Variants in COQ9 observed in about 807,000 individuals in gnomAD.
COQ9 encodes coenzyme Q9, also known as ubiquinone biosynthesis protein COQ9, mitochondrial.
A neutral mutation model predicts 42.4 loss-of-function variants in COQ9; 35 were observed. The ratio of observed to expected loss-of-function variants is 0.83; its 90% CI spans 0.63 to 1.10. COQ9 has a LOEUF of 1.10. Ranked by LOEUF, COQ9 falls within the 50% of genes least tolerant of loss-of-function variation. The pLI is 0.00. For missense variants in COQ9, 406 were observed against 414.6 expected (o/e 0.98, Z 0.18); for synonymous variants, 155 against 155.1 (o/e 1.00, Z 0.00).
rs1425755320 is a variant in COQ9, at chr16:57,457,094, T to C, written c.606+79T>C. On this transcript the variant is annotated intron_variant, in intron 5 of 8. Coordinates refer to ENST00000262507, the MANE Select transcript of COQ9 (RefSeq NM_020312.4). ...TCTCAGCACCTTTCACTCAGATGACTTTGTACACTGTTCAGAACTTAGCTT... is the reference window on the plus strand; with the variant it reads ...TCTCAGCACCTTTCACTCAGATGACCTTGTACACTGTTCAGAACTTAGCTT... The C allele has an allele frequency of 3.7e-6, 4 of 1,080,812 alleles. No individual in the cohort carries two copies. The Admixed American group carries it at 7.2e-5, about 19-fold the overall frequency. The allele number at this position is 1,080,812 out of a possible 1,614,324, so 67.0% of individuals were successfully genotyped here. A position where few individuals can be genotyped will look rare whatever the true frequency, so the allele number is the denominator to read the frequency against.
rs777881029 is a variant in COQ9 at position 57,452,940 on chromosome 16, T to G, written c.378+4T>G. 2 of 1,613,220 alleles carry G rather than the reference T, an allele frequency of 1.2e-6. No individual in the cohort carries two copies. The highest frequency in any genetic ancestry group is 1.7e-6 in the Non-Finnish European group (2 of 1,179,904). ...GGCGATTGCAGAAGGAGCCCAGGTG[T>G]GTATAGGTGAGGGTGGGGCCACCTA... On this transcript the variant is annotated splice_donor_region_variant and intron_variant, in intron 3 of 8. Transcript: ENST00000262507.
In COQ9 at chr16:57,451,215, A is replaced by T; in HGVS notation, c.242+7A>T. On this transcript the variant is annotated splice_region_variant and intron_variant, in intron 2 of 8. Transcript: ENST00000262507. The stretch of plus-strand genomic sequence containing the variant: ...CTTCTCATTCACCCCCCAGGTAGGC[A>T]CCAATCCACCTATTTCTGGCCACTT... 1 of 1,614,122 alleles carries T rather than the reference A, an allele frequency of 6.2e-7. No individual in the cohort carries two copies. The highest frequency in any genetic ancestry group is 8.5e-7 in the Non-Finnish European group (1 of 1,179,982).
chr16:57,456,293 G>T, intron 3 of COQ9: 1 of 587,994 alleles, frequency 1.7e-6, no homozygotes, highest in African/African-American at 1.9e-5. Flanking sequence ...CTGTGAACTT[G>T]TTATTCAAGC....
At position 57,456,898 on chromosome 16, in the gene COQ9, C is replaced by T. The variant is rs370065382; in HGVS notation, c.522-33C>T. 4.2e-5 allele frequency: 66 copies of T among 1,585,038 alleles called. No homozygotes were observed. The African/African-American group carries it at 8.6e-4, about 21-fold the overall frequency. On this transcript the variant is annotated intron_variant, in intron 4 of 8. Coordinates refer to ENST00000262507, the MANE Select transcript of COQ9 (RefSeq NM_020312.4). ...GAGCACTGAGCCCCTGCCTTTCACT[C>T]AGAGACACACTGTTTTCTTTTCCCT...
Position 57,460,049 on chromosome 16 carries a change from AGG to A in COQ9, c.868-1_868del. ...AGGGAACCTGACACTGACTCCTTCT[AGG>A]TAAAGTCCACAGGAGAGGCACTGGT... On this transcript the variant is annotated splice_acceptor_variant and coding_sequence_variant, in exon 8 of 9. Coordinates refer to ENST00000262507, the MANE Select transcript of COQ9 (RefSeq NM_020312.4). LOFTEE classifies it high-confidence loss of function. 6.2e-7 allele frequency: 1 copy of A among 1,614,006 alleles called. No homozygotes were observed. The highest frequency in any genetic ancestry group is 1.3e-5 in the African/African-American group (1 of 75,034).
intron 1 of COQ9, among the ~76,000 whole-genome samples, chr16:57,450,205 G>C (rs1031053780): frequency 1.8e-4 from 28 of 152,272 alleles, no homozygotes; most frequent in African/African-American, 5.8e-4. Context: ...CTTGAGGTCA[G>C]GAGTTTGAGA....
chr16:57,451,014 C>A, intron 1 of COQ9, 26 bp from the exon 2 acceptor site: 1 of 1,612,986 alleles, frequency 6.2e-7, no homozygotes, highest in South Asian at 1.1e-5. Flanking sequence ...TGTTGAATGT[C>A]CCTGACTGAC....
At chr16:57,458,024 A>C (rs2030444596) in intron 5 of COQ9, 2 of 563,368 alleles carry the variant, frequency 3.6e-6, no homozygotes, top group African/African-American at 1.9e-5. Flanking sequence ...AGGGATGGAG[A>C]ATGTGCTTGG....
rs144219851 is a variant in COQ9, at chr16:57,456,638, C to T, written c.513C>T (p.Gly171=). The T allele has an allele frequency of 3.0e-5, 49 of 1,613,700 alleles. No homozygotes were observed. In the African/African-American group the frequency reaches 5.9e-4, roughly 19 times the overall value. The change falls in exon 4 of 9, where the codon GGC becomes GGT. Residue 171 remains glycine, a synonymous_variant. Transcript: ENST00000262507. The stretch of plus-strand genomic sequence containing the variant: ...AGGAGCAGAAGCTGGTACAGTTGGG[C>T]CAGGCGGAGTAAGTCCCATGGCATT... ...LEEEQKLVQL[G]QAEKRKTDQF... is the part of the protein sequence containing the mutation.
At position 57,459,729 on chromosome 16, in the gene COQ9, G is replaced by A; in HGVS notation, c.867+9G>A. The A allele has an allele frequency of 6.2e-7, 1 of 1,613,996 alleles. No homozygotes were observed. Among genetic ancestry groups the A allele is most frequent in the Non-Finnish European group, 8.5e-7 (1 of 1,179,892 alleles). On this transcript the variant is annotated intron_variant, in intron 7 of 8. Coordinates refer to ENST00000262507, the MANE Select transcript of COQ9 (RefSeq NM_020312.4). ...GCCACACTGCCAAGCAGGTAGGTGG[G>A]GACTAGCCATTGGGGAACCCTCTTT...
chr16:57,459,139 T>G lies in COQ9; in HGVS notation c.712-426T>G, dbSNP rs376684912. 9.2e-5 allele frequency among the ~76,000 whole-genome samples: 14 copies of G among 152,354 alleles called. No homozygotes were observed. In the East Asian group the frequency reaches 1.9e-3, roughly 21 times the overall value. ...TCAGCTTTGCCCAGGTATTGTAATC[T>G]GTCCATGAGCCTCTCTCAGCCCTCA... On this transcript the variant is annotated intron_variant, in intron 6 of 8. Coordinates refer to ENST00000262507, the MANE Select transcript of COQ9 (RefSeq NM_020312.4).
chr16:57,448,978 G>A (rs928983249), intron 1 of COQ9, among the ~76,000 whole-genome samples: 1 of 152,108 alleles, frequency 6.6e-6, no homozygotes, highest in Non-Finnish European at 1.5e-5. Flanking sequence ...AAGTGATAAG[G>A]ACCATTTTTA....
chr16:57,453,264 A>G, intron 3 of COQ9: 1 of 413,234 alleles, frequency 2.4e-6, no homozygotes, highest in Non-Finnish European at 4.5e-6. Flanking sequence ...AGTAAAAAAG[A>G]AAACATACTG....
In COQ9 at chr16:57,456,605, G is replaced by A. The variant is rs368824279; in HGVS notation, c.480G>A (p.Val160=). The part of the protein sequence containing the change: ...VTQCNTRLTR[V]LEEEQKLVQL... ...AGTGCAATACCCGGCTCACACGTGT[G>A]CTAGAAGAGGAGCAGAAGCTGGTAC... Residue 160 remains valine (V), a synonymous_variant, in exon 4 of 9, where the codon GTG becomes GTA. Coordinates refer to ENST00000262507, the MANE Select transcript of COQ9 (RefSeq NM_020312.4). The A allele has an allele frequency of 2.6e-5, 42 of 1,614,144 alleles. No individual in the cohort carries two copies. In the East Asian group the frequency reaches 3.8e-4, roughly 15 times the overall value.
chr16:57,447,528 G>C lies in COQ9; in HGVS notation c.23G>C (p.Gly8Ala). The change falls in exon 1 of 9, where the codon GGT (glycine) becomes GCT (alanine). Residue 8 changes from glycine (G) to alanine (A), a missense_variant. By Grantham distance (60) the Gly-to-Ala change is moderately conservative (BLOSUM62 0). Transcript: ENST00000262507. MAAAAVS[G>A]ALGRAGWRLL... ...AAAATGGCGGCGGCGGCGGTATCTG[G>C]TGCGCTTGGCCGGGCGGGCTGGAGG... The C allele has an allele frequency of 7.6e-7, 1 of 1,312,352 alleles. No homozygotes were observed. Among genetic ancestry groups the C allele is most frequent in the East Asian group, 3.0e-5 (1 of 32,858 alleles). 81.3% of individuals were successfully genotyped at this position (1,312,352 alleles called of 1,614,324 possible).
Position 57,457,023 on chromosome 16 carries a change from GTCTATA to G in COQ9, c.606+11_606+16del. The G allele has an allele frequency of 1.2e-6, 2 of 1,604,800 alleles. No individual in the cohort carries two copies. The highest frequency in any genetic ancestry group is 1.7e-6 in the Non-Finnish European group (2 of 1,171,458). ...ATTGAGCACTGGCCCCGGGTACCAAGTCTATATCCAGGCCCCAGAGCAACAATAATC... is the reference window on the plus strand; with the variant it reads ...ATTGAGCACTGGCCCCGGGTACCAAGTCCAGGCCCCAGAGCAACAATAATC... On this transcript the variant is annotated intron_variant, in intron 5 of 8. Transcript: ENST00000262507.
At position 57,447,579 on chromosome 16, in the gene COQ9, G is replaced by A; in HGVS notation, c.73+1G>A. ...CTCCTGCAGCTGCGATGCCTGCCCG[G>A]TGAGGGGGCTGCCAAGCCGGGGAGA... On this transcript the variant is annotated splice_donor_variant, in intron 1 of 8. Coordinates refer to ENST00000262507, the MANE Select transcript of COQ9 (RefSeq NM_020312.4). LOFTEE classifies it high-confidence loss of function. The A allele has an allele frequency of 7.8e-7, 1 of 1,273,966 alleles. No individual in the cohort carries two copies. 78.9% of individuals were successfully genotyped at this position (1,273,966 alleles called of 1,614,324 possible). A position where few individuals can be genotyped will look rare whatever the true frequency, so the allele number is the denominator to read the frequency against.
rs1598038966 is a variant in COQ9 at position 57,456,860 on chromosome 16, T to C, written c.522-71T>C. 4.9e-6 allele frequency: 7 copies of C among 1,435,262 alleles called. No homozygotes were observed. In the East Asian group the frequency reaches 1.4e-4, roughly 28 times the overall value. The allele number at this position is 1,435,262 out of a possible 1,614,324, so 88.9% of individuals were successfully genotyped here. ...CTGGTGGGACCCTCCTCCCTAGGGC[T>C]GAGTAAACCGTGGAGCACTGAGCCC... On this transcript the variant is annotated intron_variant, in intron 4 of 8. Coordinates refer to ENST00000262507, the MANE Select transcript of COQ9 (RefSeq NM_020312.4).
intron 2 of COQ9, among the ~76,000 whole-genome samples, chr16:57,452,251 A>C (rs1368729087): frequency 1.3e-5 from 2 of 152,240 alleles, no homozygotes; most frequent in Admixed American, 6.5e-5. Context: ...TCCAGGGTGC[A>C]GCAATGCCTT....
Sources: allele counts gnomAD v4.1 joint callset (sites outside exome capture counted in the v4.1 genomes callset), GRCh38; gene constraint gnomAD v4.1.1; transcripts MANE v1.5; gene names NCBI Gene and HGNC (gene_info 2026-07-23, HGNC 2026-07-21).